The following NTNG1 variants were observed in gnomAD, a reference collection of about 807,000 sequenced individuals.
The protein encoded by NTNG1 is netrin G1.
In NTNG1, 16 loss-of-function variants were observed where a neutral mutation model predicts 54.0. That is an observed-to-expected ratio of 0.30 (90% CI 0.20 to 0.45). The LOEUF (loss-of-function observed/expected upper bound fraction) is 0.45, where lower values mean the gene tolerates loss of function less well. NTNG1 is among the 20% of genes least tolerant of loss of function. The probability of loss-of-function intolerance (pLI) is 1.00; values close to 1 mark genes in which losing one functional copy is unlikely to be tolerated. For synonymous variants in NTNG1, 255 were observed against 263.1 expected (o/e 0.97, Z 0.30); for missense variants, 530 against 678.7 (o/e 0.78, Z 2.43).
intron 3 of NTNG1, among the ~76,000 whole-genome samples, chr1:107,389,361 T>G (rs928224612): frequency 2.6e-5 from 4 of 152,158 alleles, no homozygotes; most frequent in Non-Finnish European, 4.4e-5. Flanking sequence ...TATATGGACC[T>G]CGAGCTCACA....
In NTNG1 at chr1:107,417,853, A is replaced by G. The variant is rs770948793; in HGVS notation, c.1087+10145A>G. On this transcript the variant is annotated intron_variant, in intron 5 of 7. Transcript: ENST00000370068. ...CTGCCTTCCATAACTGGAAGACACAAATAATACCAAGATATAAATAATACC... is the reference window on the plus strand; with the variant it reads ...CTGCCTTCCATAACTGGAAGACACAGATAATACCAAGATATAAATAATACC... 8.5e-5 allele frequency among the ~76,000 whole-genome samples: 13 copies of G among 152,118 alleles called. 1 individual carries two copies. The highest frequency in any genetic ancestry group is 4.4e-5 in the Non-Finnish European group (3 of 67,998).
chr1:107,458,389 G>C (rs1677079040), intron 7 of NTNG1, among the ~76,000 whole-genome samples: 1 of 152,020 alleles, frequency 6.6e-6, no homozygotes, highest in African/African-American at 2.4e-5. Context: ...AAGGTAAAAA[G>C]CACTTTTCAC....
intron 3 of NTNG1, among the ~76,000 whole-genome samples, chr1:107,335,666 TA>T (rs1668533461): frequency 6.7e-6 from 1 of 149,512 alleles, no homozygotes; most frequent in Admixed American, 6.8e-5. Flanking sequence ...TATGATTTTC[TA>T]TTTTTTTTCA....
chr1:107,395,291 C>G lies in NTNG1; in HGVS notation c.1025C>G (p.Ser342Cys). ...CAGGGCCGACCTTGGAGTCCAGGCTCCTATCTCCCCATCCCCAAAGGCACT... is the reference window on the plus strand; with the variant it reads ...CAGGGCCGACCTTGGAGTCCAGGCTGCTATCTCCCCATCCCCAAAGGCACT... The part of the protein sequence containing the change: ...NYQGRPWSPG[S>C]YLPIPKGTAN... Residue 342 changes from serine to cysteine, a missense_variant, in exon 4 of 8, where the codon TCC becomes TGC. By Grantham distance (112) the Ser-to-Cys change is moderately radical. Coordinates refer to ENST00000370068, the MANE Select transcript of NTNG1 (RefSeq NM_001113226.3). 1 of 1,613,588 alleles carries G rather than the reference C, an allele frequency of 6.2e-7. No homozygotes were observed. The highest frequency in any genetic ancestry group is 8.5e-7 in the Non-Finnish European group (1 of 1,179,648).
intron 3 of NTNG1, among the ~76,000 whole-genome samples, chr1:107,394,050 C>T (rs1672527634): frequency 1.3e-5 from 2 of 152,016 alleles, no homozygotes. Flanking sequence ...CACACACACA[C>T]ACTGTCAATC....
chr1:107,432,937 G>T (rs1675361278), intron 6 of NTNG1, among the ~76,000 whole-genome samples: 1 of 152,120 alleles, frequency 6.6e-6, no homozygotes, highest in South Asian at 2.1e-4. Flanking sequence ...CCAGTTTTAA[G>T]AGGTATAGTT....
chr1:107,439,896 C>T (rs1675861051), intron 7 of NTNG1, among the ~76,000 whole-genome samples: 1 of 151,730 alleles, frequency 6.6e-6, no homozygotes, highest in Admixed American at 6.6e-5. Context: ...TTGCTCCTGT[C>T]CTCACACACA....
intron 3 of NTNG1, among the ~76,000 whole-genome samples, chr1:107,345,496 G>C (rs1669163423): frequency 1.3e-5 from 2 of 152,176 alleles, no homozygotes; most frequent in South Asian, 4.1e-4. Context: ...GCAAGGGAGA[G>C]CGGATTACTT....
At chr1:107,223,745 C>T (rs963481531) in intron 2 of NTNG1, among the ~76,000 whole-genome samples, 4 of 152,012 alleles carry the variant, frequency 2.6e-5, no homozygotes, top group Non-Finnish European at 5.9e-5. Flanking sequence ...GATTACAGGA[C>T]GGAGAGAAAG....
At chr1:107,230,129 T>C (rs535295852) in intron 2 of NTNG1, among the ~76,000 whole-genome samples, 2 of 152,298 alleles carry the variant, frequency 1.3e-5, no homozygotes, top group Non-Finnish European at 2.9e-5. Context: ...TACTCAAAAA[T>C]GTGTAGTTTC....
chr1:107,160,465 C>G (rs1308607791), intron 2 of NTNG1, among the ~76,000 whole-genome samples: 2 of 152,062 alleles, frequency 1.3e-5, no homozygotes, highest in Non-Finnish European at 2.9e-5. Context: ...AATTGGTCTC[C>G]CTGCTTCCTA....
rs1439139568 is a variant in NTNG1 at position 107,430,921 on chromosome 1, A to C, written c.1255+4A>C. On this transcript the variant is annotated splice_donor_region_variant and intron_variant, in intron 6 of 7. Coordinates refer to ENST00000370068, the MANE Select transcript of NTNG1 (RefSeq NM_001113226.3). ...GACGATGAGAATGTGTGCATAGGTC[A>C]GTTCCATTACAATTTCAGCTATTCT... The C allele has an allele frequency of 1.9e-6, 3 of 1,612,164 alleles. No homozygotes were observed. Among genetic ancestry groups the C allele is most frequent in the African/African-American group, 2.7e-5 (2 of 74,896 alleles).
At chr1:107,222,799 C>CTTTTT (rs113401472) in intron 2 of NTNG1, among the ~76,000 whole-genome samples, 6 of 109,020 alleles carry the variant, frequency 5.5e-5, no homozygotes, top group African/African-American at 2.2e-4. Context: ...ACCAGTGCTG[C>CTTTTT]TTTTTTTTTT....
At chr1:107,280,267 T>C (rs1191863910) in intron 2 of NTNG1, among the ~76,000 whole-genome samples, 7 of 149,832 alleles carry the variant, frequency 4.7e-5, no homozygotes, top group Non-Finnish European at 1.5e-5. Context: ...TTTCTGACAA[T>C]CGCTTATTCT....
chr1:107,331,193 G>A (rs4603156), intron 3 of NTNG1, among the ~76,000 whole-genome samples: 116,397 of 151,798 alleles, frequency 0.77, 46,913 homozygotes, highest in Non-Finnish European at 0.9. Flanking sequence ...CTTTTTCCAA[G>A]CATTATGCTC....
intron 2 of NTNG1, among the ~76,000 whole-genome samples, chr1:107,219,138 A>T (rs7552689): frequency 0.86 from 128,223 of 149,372 alleles, 56,643 homozygotes; most frequent in East Asian, 0.99. Flanking sequence ...TCTTTAATAG[A>T]TCAGGTTAAT....
chr1:107,349,422 A>G (rs1669462496), intron 3 of NTNG1, among the ~76,000 whole-genome samples: 1 of 152,332 alleles, frequency 6.6e-6, no homozygotes, highest in East Asian at 1.9e-4. Context: ...CAAAGAATGT[A>G]TGTAGAATAG....
At position 107,430,749 on chromosome 1, in the gene NTNG1, G is replaced by A. The variant is rs766588214; in HGVS notation, c.1088-1G>A. 3.7e-6 allele frequency: 6 copies of A among 1,613,112 alleles called. No homozygotes were observed. In the South Asian group the frequency reaches 6.6e-5, roughly 18 times the overall value. On this transcript the variant is annotated splice_acceptor_variant, in intron 5 of 7. Coordinates refer to ENST00000370068, the MANE Select transcript of NTNG1 (RefSeq NM_001113226.3). LOFTEE classifies it high-confidence loss of function. ...TATACATTTCTGTTCTTCCTTGCAA[G>A]ATTGTGAATGCTTCGGCCACTCCAA... is the stretch of plus-strand genomic sequence containing the variant.
chr1:107,315,329 C>T (rs1443071231), intron 2 of NTNG1, among the ~76,000 whole-genome samples: 1 of 152,168 alleles, frequency 6.6e-6, no homozygotes, highest in African/African-American at 2.4e-5. Context: ...GGTTGCTCTG[C>T]TTCTGCTGCC....
Sources: allele counts gnomAD v4.1 joint callset (sites outside exome capture counted in the v4.1 genomes callset), GRCh38; gene constraint gnomAD v4.1.1; transcripts MANE v1.5; gene names NCBI Gene and HGNC (gene_info 2026-07-23, HGNC 2026-07-21).